The following CFAP47 variants were observed in gnomAD, a reference collection of about 807,000 sequenced individuals.
CFAP47 encodes cilia- and flagella-associated protein 47.
Under a neutral mutation model 148.1 loss-of-function variants are expected in CFAP47, and 29 were observed. The observed-to-expected ratio is 0.20, with a 90% CI of 0.15 to 0.27. The LOEUF is 0.27. Ranked by LOEUF, CFAP47 falls within the 10% of genes least tolerant of loss-of-function variation. CFAP47 has a pLI of 1.00. For synonymous variants in CFAP47, 664 were observed against 577.3 expected, an observed-to-expected ratio of 1.15 and a Z score of -2.15; for missense variants, 1,872 against 1,697.5, an observed-to-expected ratio of 1.10 and a Z score of -1.81.
intron 25 of CFAP47, among the ~76,000 whole-genome samples, chrX:36,040,568 A>T (rs910418161): frequency 2.7e-5 from 3 of 111,824 alleles, no homozygotes; most frequent in Non-Finnish European, 5.6e-5. Flanking sequence ...AAGTCTCAAA[A>T]ATTTTTAAAG....
intron 5 of CFAP47, 42 bp downstream of exon 5, chrX:35,951,401 A>T (rs1259635972): frequency 1.2e-6 from 1 of 850,741 alleles, no homozygotes. Flanking sequence ...ATTATGACTT[A>T]AAAGAGATTG....
At chrX:36,330,304 G>A (rs1393272973) in intron 57 of CFAP47, among the ~76,000 whole-genome samples, 3 of 111,561 alleles carry the variant, frequency 2.7e-5, no homozygotes, top group Non-Finnish European at 5.6e-5. Context: ...TTATATTTTT[G>A]CTCATGGATC....
At chrX:36,171,277 G>A (rs1939574189) in intron 39 of CFAP47, among the ~76,000 whole-genome samples, 2 of 108,756 alleles carry the variant, frequency 1.8e-5, no homozygotes, top group Non-Finnish European at 3.8e-5. Context: ...AGTTTCTTTT[G>A]CTGTGCAGAA....
chrX:36,234,911 C>T (rs990596303), intron 46 of CFAP47, among the ~76,000 whole-genome samples: 18 of 111,620 alleles, frequency 1.6e-4, no homozygotes, highest in African/African-American at 5.2e-4. Context: ...GTACCAGCAG[C>T]GGTGGCTGCA....
chrX:35,932,172 C>G (rs1031850579), intron 2 of CFAP47, among the ~76,000 whole-genome samples: 2 of 109,848 alleles, frequency 1.8e-5, no homozygotes, highest in Admixed American at 2.0e-4. Flanking sequence ...CCTCAGCCCC[C>G]CAAGTTGCTT....
chrX:36,139,305 T>G (rs1168018230), intron 35 of CFAP47, among the ~76,000 whole-genome samples: 2 of 111,412 alleles, frequency 1.8e-5, no homozygotes, highest in Non-Finnish European at 3.8e-5. Context: ...GGAAGTAACA[T>G]GAACAGAATG....
intron 29 of CFAP47, among the ~76,000 whole-genome samples, chrX:36,077,325 T>G (rs759323340): frequency 1.3e-4 from 14 of 105,524 alleles, no homozygotes; most frequent in Non-Finnish European, 2.5e-4. Flanking sequence ...GGTAATGTGG[T>G]AGAAATAGCA....
At chrX:36,214,311 T>G (rs1221156657) in intron 45 of CFAP47, among the ~76,000 whole-genome samples, 2 of 111,813 alleles carry the variant, frequency 1.8e-5, no homozygotes, top group African/African-American at 3.2e-5. Flanking sequence ...TTACCATGTA[T>G]GGAACCTATA....
intron 25 of CFAP47, among the ~76,000 whole-genome samples, chrX:36,045,885 A>G (rs1937459013): frequency 8.9e-6 from 1 of 112,003 alleles, no homozygotes; most frequent in South Asian, 3.7e-4. Context: ...AATGAATATG[A>G]GAGGTACTGA....
chrX:36,335,375 CATCTT>C (rs782199103), intron 57 of CFAP47, among the ~76,000 whole-genome samples: 8 of 111,479 alleles, frequency 7.2e-5, no homozygotes, highest in Admixed American at 1.9e-4. Flanking sequence ...TTTAAATTGT[CATCTT>C]ATCTGTCACC....
intron 33 of CFAP47, among the ~76,000 whole-genome samples, chrX:36,134,206 G>A (rs192818172): frequency 9.2e-4 from 102 of 111,067 alleles, no homozygotes; most frequent in East Asian, 3.4e-3. Context: ...TGCACATGAC[G>A]TTGGAAAACT....
chrX:36,206,218 T>A (rs16987413), intron 45 of CFAP47, among the ~76,000 whole-genome samples: 6,375 of 111,797 alleles, frequency 0.057, 158 homozygotes, highest in Middle Eastern at 0.13. Flanking sequence ...CAGCAATCAG[T>A]TTGAGACCCT....
intron 27 of CFAP47, among the ~76,000 whole-genome samples, chrX:36,066,965 A>G (rs1397338811): frequency 8.9e-6 from 1 of 112,095 alleles, no homozygotes; most frequent in Admixed American, 9.4e-5. Flanking sequence ...GAATTTATCC[A>G]TTATGCTGCC....
intron 33 of CFAP47, among the ~76,000 whole-genome samples, chrX:36,129,969 A>G (rs1003096784): frequency 1.8e-5 from 2 of 111,661 alleles, no homozygotes; most frequent in African/African-American, 6.5e-5. Flanking sequence ...TAAATGACCC[A>G]CAAGCACATT....
chrX:36,099,545 C>A (rs1601977062), intron 31 of CFAP47, among the ~76,000 whole-genome samples: 1 of 106,205 alleles, frequency 9.4e-6, no homozygotes, highest in South Asian at 4.3e-4. Context: ...CTAGTAGGTG[C>A]GTTGAATGAA....
At chrX:36,224,264 G>A (rs1461013822) in intron 45 of CFAP47, among the ~76,000 whole-genome samples, 2 of 109,957 alleles carry the variant, frequency 1.8e-5, no homozygotes, top group Admixed American at 9.7e-5. Flanking sequence ...GAAAAAAAAA[G>A]AAGTTGAGTT....
chrX:36,351,349 ATTTT>A (rs1242108066), intron 59 of CFAP47, among the ~76,000 whole-genome samples: 3 of 111,996 alleles, frequency 2.7e-5, no homozygotes, highest in African/African-American at 9.7e-5. Flanking sequence ...CATAAAATTT[ATTTT>A]ATTTCCTTCC....
At chrX:36,069,879 A>G (rs1171518241) in intron 27 of CFAP47, among the ~76,000 whole-genome samples, 1 of 112,140 alleles carries the variant, frequency 8.9e-6, no homozygotes, top group Non-Finnish European at 1.9e-5. Context: ...TTATTTTAGT[A>G]TAGTTCATCT....
chrX:35,946,147 G>A (rs751671724), intron 3 of CFAP47, among the ~76,000 whole-genome samples: 121 of 110,536 alleles, frequency 1.1e-3, no homozygotes, highest in Non-Finnish European at 1.2e-3. Context: ...TGCTGGGATC[G>A]CAAGCATGAG....
Sources: allele counts gnomAD v4.1 joint callset (sites outside exome capture counted in the v4.1 genomes callset), GRCh38; gene constraint gnomAD v4.1.1; transcripts MANE v1.5; gene names NCBI Gene and HGNC (gene_info 2026-07-23, HGNC 2026-07-21).